The following ASIC2 variants were observed in gnomAD, a reference collection of about 807,000 sequenced individuals.
ASIC2 encodes acid sensing ion channel subunit 2.
In ASIC2, 25 loss-of-function variants were observed where a neutral mutation model predicts 57.3. The ratio of observed to expected loss-of-function variants is 0.44; its 90% CI spans 0.32 to 0.61. The LOEUF (loss-of-function observed/expected upper bound fraction) is 0.61, where lower values mean the gene tolerates loss of function less well. ASIC2 is among the 20% of genes least tolerant of loss of function. The probability of loss-of-function intolerance (pLI) is 0.06; values close to 1 mark genes in which losing one functional copy is unlikely to be tolerated. For missense variants in ASIC2, 641 were observed against 738.1 expected, an observed-to-expected ratio of 0.87 and a Z score of 1.52; for synonymous variants, 319 against 307.5, an observed-to-expected ratio of 1.04 and a Z score of -0.39.
At chr17:33,438,974 G>A (rs10853156) in intron 1 of ASIC2, among the ~76,000 whole-genome samples, 41,926 of 151,600 alleles carry the variant, frequency 0.28, 5,844 homozygotes, top group South Asian at 0.35. Context: ...CTCCCAAGTA[G>A]CTGGGACTAT....
chr17:33,651,628 C>T, intron 1 of ASIC2, among the ~76,000 whole-genome samples: 1 of 152,182 alleles, frequency 6.6e-6, no homozygotes, highest in East Asian at 1.9e-4. Context: ...TTGAATTTGC[C>T]CCCTCTAGAG....
At chr17:33,515,084 A>G (rs35151230) in intron 1 of ASIC2, among the ~76,000 whole-genome samples, 58,097 of 152,156 alleles carry the variant, frequency 0.38, 12,992 homozygotes, top group Non-Finnish European at 0.49. Context: ...AAGGAGTAAA[A>G]GAATGAATGG....
At chr17:34,095,533 C>T (rs1910485876) in intron 1 of ASIC2, among the ~76,000 whole-genome samples, 1 of 149,928 alleles carries the variant, frequency 6.7e-6, no homozygotes. Flanking sequence ...TTCCATGATG[C>T]TTTATTTTAA....
chr17:33,294,366 G>C (rs186648736), upstream of ASIC2, among the ~76,000 whole-genome samples: 2 of 152,188 alleles, frequency 1.3e-5, no homozygotes, highest in East Asian at 3.9e-4. Context: ...GGTGTGGAGA[G>C]GAGTTTTACC....
chr17:33,145,268 A>G (rs556558844), intron 1 of ASIC2, among the ~76,000 whole-genome samples: 6 of 152,320 alleles, frequency 3.9e-5, no homozygotes, highest in African/African-American at 1.4e-4. Flanking sequence ...ATCAGGGGAC[A>G]TTGATGGTCC....
At chr17:33,505,508 C>T (rs1170343522) in intron 1 of ASIC2, among the ~76,000 whole-genome samples, 1 of 152,194 alleles carries the variant, frequency 6.6e-6, no homozygotes, top group African/African-American at 2.4e-5. Flanking sequence ...TCAATCCCTC[C>T]CGCTGTATAA....
chr17:34,091,743 T>C (rs980211174), intron 1 of ASIC2, among the ~76,000 whole-genome samples: 1 of 152,188 alleles, frequency 6.6e-6, no homozygotes, highest in Non-Finnish European at 1.5e-5. Flanking sequence ...TGAAAATGAG[T>C]TGAAGCTGTC....
At chr17:33,646,633 CAG>C (rs1906749619) in intron 1 of ASIC2, among the ~76,000 whole-genome samples, 1 of 152,150 alleles carries the variant, frequency 6.6e-6, no homozygotes, top group South Asian at 2.1e-4. Context: ...GTATTGGAAA[CAG>C]AAATAACAAA....
intron 1 of ASIC2, among the ~76,000 whole-genome samples, chr17:33,556,543 C>A (rs141318526): frequency 4.3e-4 from 66 of 152,304 alleles, no homozygotes; most frequent in African/African-American, 1.6e-3. Context: ...TTAAGCACAG[C>A]TCTCTTCTAG....
chr17:33,420,825 C>T (rs1301870913), intron 1 of ASIC2, among the ~76,000 whole-genome samples: 2 of 152,128 alleles, frequency 1.3e-5, no homozygotes, highest in African/African-American at 4.8e-5. Flanking sequence ...GAGCTCACTC[C>T]AGCCTGCCAT....
At chr17:33,579,795 G>GGGTGT (rs1309100048) in intron 1 of ASIC2, among the ~76,000 whole-genome samples, 1 of 152,134 alleles carries the variant, frequency 6.6e-6, no homozygotes, top group African/African-American at 2.4e-5. Flanking sequence ...CTACCACACC[G>GGGTGT]TGAAAAACAC....
chr17:34,036,116 C>T (rs541375492), intron 1 of ASIC2, among the ~76,000 whole-genome samples: 106 of 152,042 alleles, frequency 7.0e-4, no homozygotes, highest in African/African-American at 2.6e-3. Context: ...AGACTTGGAA[C>T]CAACCTAAAT....
rs147495943 is a variant in ASIC2 at position 34,062,752 on chromosome 17, A to G, written c.555+93226T>C. Among the ~76,000 whole-genome samples, 550 of 152,320 alleles carry G rather than the reference A, an allele frequency of 3.6e-3. 3 individuals carry two copies. The highest frequency in any genetic ancestry group is 0.013 in the African/African-American group (531 of 41,574). ...GGCTACTGTGAACACCTTTACGCAC[A>G]TAAACTAGAAAACCTAGAAGAGACA... On this transcript the variant is annotated intron_variant, in intron 1 of 9. Coordinates refer to the ASIC2 transcript ENST00000359872.
At chr17:33,969,549 C>T (rs2141997261) in intron 1 of ASIC2, among the ~76,000 whole-genome samples, 1 of 152,280 alleles carries the variant, frequency 6.6e-6, no homozygotes, top group East Asian at 1.9e-4. Flanking sequence ...AGGCAGGAAG[C>T]AATGCAGGGT....
Position 33,284,298 on chromosome 17 carries a change from C to T in ASIC2, c.708+7110G>A, listed in dbSNP as rs113080112. Among the ~76,000 whole-genome samples, 1,352 of 152,278 alleles carry T rather than the reference C, an allele frequency of 8.9e-3. 14 individuals carry two copies. The highest frequency in any genetic ancestry group is 0.024 in the Middle Eastern group (7 of 294). On this transcript the variant is annotated intron_variant, in intron 1 of 9. Coordinates refer to ENST00000225823, the MANE Select transcript of ASIC2 (RefSeq NM_183377.2). ...CTGGAACTCAGTTTGGCACCATTTC[C>T]TCATGCAGGACTTCAAGTTACCAGT...
At chr17:34,136,348 T>C (rs1912126121) in intron 1 of ASIC2, among the ~76,000 whole-genome samples, 1 of 152,188 alleles carries the variant, frequency 6.6e-6, no homozygotes, top group South Asian at 2.1e-4. Context: ...CCACATATCT[T>C]CTTGATCCAG....
intron 1 of ASIC2, among the ~76,000 whole-genome samples, chr17:33,630,395 C>T (rs984966316): frequency 7.9e-5 from 12 of 152,170 alleles, no homozygotes. Flanking sequence ...AACCAGTCTG[C>T]ACATGCCAAC....
intron 1 of ASIC2, among the ~76,000 whole-genome samples, chr17:33,577,865 G>A (rs930316559): frequency 1.1e-4 from 17 of 152,180 alleles, no homozygotes; most frequent in Admixed American, 3.3e-4. Context: ...GGAGAGAAGA[G>A]AACCTTTCCA....
At chr17:33,605,503 A>G (rs575493150) in intron 1 of ASIC2, among the ~76,000 whole-genome samples, 1 of 152,336 alleles carries the variant, frequency 6.6e-6, no homozygotes, top group South Asian at 2.1e-4. Flanking sequence ...AAACAAGCTC[A>G]ATTAGAGGCA....
Sources: allele counts gnomAD v4.1 joint callset (sites outside exome capture counted in the v4.1 genomes callset), GRCh38; gene constraint gnomAD v4.1.1; transcripts MANE v1.5; gene names NCBI Gene and HGNC (gene_info 2026-07-23, HGNC 2026-07-21).